Variants in CDH20 observed in about 807,000 individuals in gnomAD.
The protein encoded by CDH20 is cadherin-20.
CDH20 carries 29 observed loss-of-function variants against 74.2 expected under a neutral mutation model. The ratio of observed to expected loss-of-function variants is 0.39; its 90% CI spans 0.29 to 0.53. The LOEUF is 0.53. Ranked by LOEUF, CDH20 falls within the 20% of genes least tolerant of loss-of-function variation. The pLI, the probability that CDH20 is intolerant of heterozygous loss-of-function variation, is 0.69. For missense variants in CDH20, 988 were observed against 1,048.3 expected (o/e 0.94, Z 0.79); for synonymous variants, 469 against 405.4 (o/e 1.16, Z -1.88).
At chr18:61,428,261 T>C (rs954289845) in intron 1 of CDH20, among the ~76,000 whole-genome samples, 1 of 152,100 alleles carries the variant, frequency 6.6e-6, no homozygotes, top group Admixed American at 6.6e-5. Context: ...AAGTAAGAGA[T>C]CCCTCGGGCT....
chr18:61,550,081 G>C lies in CDH20; in HGVS notation c.1752G>C (p.Leu584=), dbSNP rs557060194. Residue 584 remains leucine, a synonymous_variant, in exon 11 of 12, where the codon CTG becomes CTC. Transcript: ENST00000262717. ...ILIADSGQPV[L]SSTGTLTIQV... ...TAGCAGATAGCGGGCAGCCCGTGCT[G>C]AGCAGCACAGGCACACTGACCATCC... The C allele has an allele frequency of 5.6e-6, 9 of 1,614,242 alleles. No individual in the cohort carries two copies. The highest frequency in any genetic ancestry group is 7.6e-6 in the Non-Finnish European group (9 of 1,180,046).
At chr18:61,342,870 GA>G (rs1318575295) in intron 1 of CDH20, among the ~76,000 whole-genome samples, 5 of 152,088 alleles carry the variant, frequency 3.3e-5, no homozygotes, top group African/African-American at 2.4e-5. Flanking sequence ...AACTTTAGGA[GA>G]AAAAAATCAT....
At chr18:61,509,766 T>C (rs746759092) in intron 6 of CDH20, among the ~76,000 whole-genome samples, 1 of 152,208 alleles carries the variant, frequency 6.6e-6, no homozygotes. Flanking sequence ...TGAGAAGCTA[T>C]TGCAGTAATC....
At chr18:61,359,625 G>T (rs1022682226) in intron 1 of CDH20, among the ~76,000 whole-genome samples, 20 of 152,002 alleles carry the variant, frequency 1.3e-4, no homozygotes, top group Non-Finnish European at 1.0e-4. Context: ...CTTGAGGCAC[G>T]GTTTATTTAA....
At chr18:61,550,734 C>T (rs930091336) in intron 11 of CDH20, among the ~76,000 whole-genome samples, 1 of 152,206 alleles carries the variant, frequency 6.6e-6, no homozygotes, top group Non-Finnish European at 1.5e-5. Flanking sequence ...CTCAAAGGCA[C>T]TGCCTTTCTC....
At chr18:61,541,665 A>G (rs1339999789) in intron 9 of CDH20, among the ~76,000 whole-genome samples, 1 of 152,082 alleles carries the variant, frequency 6.6e-6, no homozygotes, top group Non-Finnish European at 1.5e-5. Flanking sequence ...TGTTTTGAAG[A>G]TTTTTCAAAA....
chr18:61,506,719 C>A (rs1349992139), intron 5 of CDH20, among the ~76,000 whole-genome samples: 1 of 152,078 alleles, frequency 6.6e-6, no homozygotes, highest in African/African-American at 2.4e-5. Context: ...TATGTGAGAA[C>A]CTTTTTAGTA....
chr18:61,541,111 A>G (rs1913018756), intron 9 of CDH20, among the ~76,000 whole-genome samples: 2 of 152,158 alleles, frequency 1.3e-5, no homozygotes, highest in African/African-American at 2.4e-5. Flanking sequence ...TTATAAGTAA[A>G]GAAGGGAGGT....
At chr18:61,502,188 C>T (rs1943334) in intron 4 of CDH20, among the ~76,000 whole-genome samples, 109,458 of 151,898 alleles carry the variant, frequency 0.72, 40,208 homozygotes, top group East Asian at 0.9. Flanking sequence ...AAAAGGGAGA[C>T]AAAACATTAC....
At chr18:61,392,802 A>C (rs1911839327) in intron 1 of CDH20, among the ~76,000 whole-genome samples, 1 of 152,074 alleles carries the variant, frequency 6.6e-6, no homozygotes, top group South Asian at 2.1e-4. Flanking sequence ...AAAAAAAAAA[A>C]AAGGTGGATA....
At chr18:61,405,259 C>G (rs1024041188) in intron 1 of CDH20, 78 of 363,086 alleles carry the variant, frequency 2.1e-4, no homozygotes, top group Non-Finnish European at 3.7e-4. Flanking sequence ...GCTAAGATGG[C>G]CCGGGAGCGA....
At chr18:61,370,742 C>T (rs1911007331) in intron 1 of CDH20, among the ~76,000 whole-genome samples, 1 of 152,200 alleles carries the variant, frequency 6.6e-6, no homozygotes, top group South Asian at 2.1e-4. Flanking sequence ...AGAATTTATT[C>T]ATTTTGCATA....
chr18:61,363,900 T>G (rs1371804142), intron 1 of CDH20, among the ~76,000 whole-genome samples: 1 of 152,046 alleles, frequency 6.6e-6, no homozygotes, highest in Non-Finnish European at 1.5e-5. Flanking sequence ...CCCGGGTGAA[T>G]TTTTATATTG....
chr18:61,339,288 C>T (rs1479831760), intron 1 of CDH20, among the ~76,000 whole-genome samples: 1 of 151,782 alleles, frequency 6.6e-6, no homozygotes, highest in Non-Finnish European at 1.5e-5. Flanking sequence ...GTAACATAAT[C>T]AGATTCTACT....
chr18:61,405,215 T>C (rs925370443), intron 1 of CDH20: 3 of 419,360 alleles, frequency 7.2e-6, no homozygotes, highest in African/African-American at 6.3e-5. Context: ...TCTTTCTGCC[T>C]TAGGTGTGGG....
At chr18:61,503,156 C>T (rs771475250) in intron 5 of CDH20, 36 bp downstream of exon 5, 6 of 1,495,964 alleles carry the variant, frequency 4.0e-6, no homozygotes, top group Non-Finnish European at 5.4e-6. Context: ...AGACCTCGGG[C>T]CCAGAGGGAC....
At chr18:61,442,963 G>T (rs1909080890) in intron 1 of CDH20, among the ~76,000 whole-genome samples, 2 of 151,972 alleles carry the variant, frequency 1.3e-5, no homozygotes, top group South Asian at 2.1e-4. Flanking sequence ...TAGTGATTTT[G>T]CTGTGAGTGA....
At chr18:61,425,504 A>G (rs1204351659) in intron 1 of CDH20, among the ~76,000 whole-genome samples, 1 of 152,160 alleles carries the variant, frequency 6.6e-6, no homozygotes, top group African/African-American at 2.4e-5. Context: ...GCCTGCCCAG[A>G]GCACGTTTGT....
At chr18:61,507,101 G>A (rs916537096) in intron 5 of CDH20, among the ~76,000 whole-genome samples, 4 of 152,206 alleles carry the variant, frequency 2.6e-5, no homozygotes, top group African/African-American at 9.7e-5. Flanking sequence ...TACCACTCAA[G>A]CTACAGTCAC....
Sources: allele counts gnomAD v4.1 joint callset (sites outside exome capture counted in the v4.1 genomes callset), GRCh38; gene constraint gnomAD v4.1.1; transcripts MANE v1.5; gene names NCBI Gene and HGNC (gene_info 2026-07-23, HGNC 2026-07-21).